Variants in SORCS1 observed in about 807,000 individuals in gnomAD.
SORCS1 encodes VPS10 domain-containing receptor SorCS1.
In SORCS1, 60 loss-of-function variants were observed where a neutral mutation model predicts 146.1. The observed-to-expected ratio is 0.41, with a 90% CI of 0.33 to 0.51. The LOEUF is 0.51. Ranked by LOEUF, SORCS1 falls within the 20% of genes least tolerant of loss-of-function variation. SORCS1 has a pLI of 0.21. For synonymous variants in SORCS1, 637 were observed against 584.0 expected, an observed-to-expected ratio of 1.09 and a Z score of -1.31; for missense variants, 1,352 against 1,487.6, an observed-to-expected ratio of 0.91 and a Z score of 1.50.
Position 106,679,650 on chromosome 10 carries a change from T to C in SORCS1, c.1645A>G (p.Ser549Gly), listed in dbSNP as rs2135554443. The C allele has an allele frequency of 3.7e-6, 6 of 1,612,266 alleles. No individual in the cohort carries two copies. The highest frequency in any genetic ancestry group is 1.3e-5 in the African/African-American group (1 of 75,020). The stretch of plus-strand genomic sequence containing the variant: ...TTCTTACCTGATGCCACTATGATGC[T>C]TGGAGCTGTGTCTTTGCTGGCAATG... ...GIIASKDTAPSIIVASGNIGS... is the reference protein window; with the variant it reads ...GIIASKDTAPGIIVASGNIGS... Residue 549 changes from serine (S) to glycine (G), a missense_variant, in exon 11 of 26, where the codon AGC becomes GGC. Physicochemically the swap from Ser to Gly is moderately conservative, Grantham distance 56. This residue lies in a region of SORCS1 where 648 missense variants were observed against 793.8 expected (regional missense o/e 0.82). Transcript: ENST00000263054.
At position 106,795,513 on chromosome 10, in the gene SORCS1, T is replaced by C. The variant is rs142665050; in HGVS notation, c.727-18821A>G. 2.7e-3 allele frequency among the ~76,000 whole-genome samples: 413 copies of C among 152,238 alleles called. 3 individuals carry two copies. Among genetic ancestry groups the C allele is most frequent in the African/African-American group, 9.1e-3 (378 of 41,546 alleles). ...AAAACAAGATGCAAAATAATAACAA[T>C]AGGAACACTGAGGACTAGACCACGT... is the stretch of plus-strand genomic sequence containing the variant. On this transcript the variant is annotated intron_variant, in intron 3 of 25. Transcript: ENST00000263054.
intron 4 of SORCS1, among the ~76,000 whole-genome samples, chr10:106,764,226 A>G (rs1474751884): frequency 6.6e-6 from 1 of 152,208 alleles, no homozygotes; most frequent in East Asian, 1.9e-4. Flanking sequence ...ATTGCTCTAT[A>G]TTCTCCACCT....
At position 106,988,452 on chromosome 10, in the gene SORCS1, G is replaced by A. The variant is rs548791595; in HGVS notation, c.559-31872C>T. On this transcript the variant is annotated intron_variant, in intron 1 of 25. Coordinates refer to ENST00000263054, the MANE Select transcript of SORCS1 (RefSeq NM_052918.5). The stretch of plus-strand genomic sequence containing the variant: ...TGAGAATTACAGCAGTCTCTCAGTT[G>A]GACGTCTTAGCGTCTGAAAAAATCT... Among the ~76,000 whole-genome samples, 10 of 152,222 alleles carry A rather than the reference G, an allele frequency of 6.6e-5. No homozygotes were observed. In the East Asian group the frequency reaches 1.9e-3, roughly 29 times the overall value.
intron 1 of SORCS1, among the ~76,000 whole-genome samples, chr10:107,157,485 T>A (rs574937290): frequency 6.6e-6 from 1 of 152,292 alleles, no homozygotes; most frequent in South Asian, 2.1e-4. Context: ...ATACCTTAAG[T>A]AATGGAAGTA....
chr10:106,679,324 C>CT lies in SORCS1; in HGVS notation c.1671dup (p.Gly558ArgfsTer3). 1 of 1,611,706 alleles carries CT rather than the reference C, an allele frequency of 6.2e-7. No individual in the cohort carries two copies. Among genetic ancestry groups the CT allele is most frequent in the Non-Finnish European group, 8.5e-7 (1 of 1,178,660 alleles). ...ATGTCAGTGTCTGACAATTCAGAAC[C>CT]TATATTACCTAGAAAGAGAAAGGTG... On this transcript the variant is annotated frameshift_variant, in exon 12 of 26. Coordinates refer to ENST00000263054, the MANE Select transcript of SORCS1 (RefSeq NM_052918.5). LOFTEE classifies it high-confidence loss of function.
chr10:106,847,464 T>C (rs1949347454), intron 2 of SORCS1, among the ~76,000 whole-genome samples: 1 of 4,996 alleles, frequency 2.0e-4, no homozygotes, highest in Admixed American at 1.5e-3. Flanking sequence ...GTCTATTTGA[T>C]TCTTCTCTCT....
intron 9 of SORCS1, among the ~76,000 whole-genome samples, chr10:106,689,212 T>A (rs1235655152): frequency 1.3e-5 from 2 of 152,216 alleles, no homozygotes; most frequent in East Asian, 3.8e-4. Flanking sequence ...TAGTAATTTG[T>A]CAAACTATTA....
intron 18 of SORCS1, among the ~76,000 whole-genome samples, chr10:106,646,558 T>G (rs1849450448): frequency 6.6e-6 from 1 of 151,920 alleles, no homozygotes; most frequent in African/African-American, 2.4e-5. Flanking sequence ...TAGCTGGGTG[T>G]GGTGGCATGC....
chr10:106,913,922 G>C (rs997778251), intron 2 of SORCS1, among the ~76,000 whole-genome samples: 1 of 152,120 alleles, frequency 6.6e-6, no homozygotes, highest in Non-Finnish European at 1.5e-5. Flanking sequence ...ACAGAGAAAA[G>C]AAAATACAAG....
At position 106,800,347 on chromosome 10, in the gene SORCS1, G is replaced by A. The variant is rs536602824; in HGVS notation, c.727-23655C>T. Among the ~76,000 whole-genome samples the A allele has an allele frequency of 2.0e-5, 3 of 152,066 alleles. No homozygotes were observed. In the South Asian group the frequency reaches 6.2e-4, roughly 32 times the overall value. ...TGATACTTACATAAAACCTCCATAT[G>A]ACTGTAAGACTTCCTAAAGGTTGAT... On this transcript the variant is annotated intron_variant, in intron 3 of 25. Coordinates refer to ENST00000263054, the MANE Select transcript of SORCS1 (RefSeq NM_052918.5).
intron 2 of SORCS1, among the ~76,000 whole-genome samples, chr10:106,862,790 A>G (rs1950070940): frequency 6.7e-6 from 1 of 150,208 alleles, no homozygotes; most frequent in Admixed American, 6.6e-5. Context: ...CAAAAAAAAA[A>G]AAAAAAAAAA....
At chr10:107,105,770 T>C (rs1965265332) in intron 1 of SORCS1, among the ~76,000 whole-genome samples, 1 of 152,172 alleles carries the variant, frequency 6.6e-6, no homozygotes. Context: ...ACTCAAATGT[T>C]AATCTCCTTT....
chr10:106,745,513 G>C (rs1299377085), intron 5 of SORCS1, among the ~76,000 whole-genome samples: 2 of 152,142 alleles, frequency 1.3e-5, no homozygotes, highest in Non-Finnish European at 2.9e-5. Flanking sequence ...AGTAATAATT[G>C]CTGTAGGCAA....
chr10:106,664,591 G>C (rs1354317736), intron 17 of SORCS1, among the ~76,000 whole-genome samples: 1 of 152,066 alleles, frequency 6.6e-6, no homozygotes, highest in Non-Finnish European at 1.5e-5. Context: ...GCAGTGAGCC[G>C]AGATCGTGCC....
In SORCS1 at chr10:107,164,116, C is replaced by A; in HGVS notation, c.411G>T (p.Gln137His). 1 of 1,613,844 alleles carries A rather than the reference C, an allele frequency of 6.2e-7. No individual in the cohort carries two copies. Among genetic ancestry groups the A allele is most frequent in the Non-Finnish European group, 8.5e-7 (1 of 1,180,014 alleles). ...CCCGCTCCCGAGTCCCAGGCTCCTG[C>A]TGCCCTCCATCTCTTAGCACTCCCC... ...SPRGVLRDGGQQEPGTRERDP... is the reference protein window; with the variant it reads ...SPRGVLRDGGHQEPGTRERDP... The change falls in exon 1 of 26, where the codon CAG (glutamine) becomes CAT (histidine). Residue 137 changes from glutamine (Q) to histidine (H), a missense_variant. Gln to His is a conservative substitution (Grantham distance 24). Around this residue, in one of 3 missense-constraint regions of SORCS1, gnomAD observed 490 missense variants for 489.1 expected, o/e 1.00. Transcript: ENST00000263054. This position sits in a 1 kb window ranked among gnomAD's most constrained non-coding sequence, Gnocchi z 6.8.
intron 10 of SORCS1, among the ~76,000 whole-genome samples, 197 bp from the exon 11 acceptor site, chr10:106,679,931 A>T (rs1852313621): frequency 6.6e-6 from 1 of 152,212 alleles, no homozygotes; most frequent in African/African-American, 2.4e-5. Context: ...AGTGTAAAAC[A>T]GCCTTCAAGT....
At chr10:106,924,492 T>C (rs1383658466) in intron 2 of SORCS1, among the ~76,000 whole-genome samples, 3 of 150,842 alleles carry the variant, frequency 2.0e-5, no homozygotes, top group African/African-American at 5.0e-5. Context: ...TATCTATCTA[T>C]CTATCTATCT....
intron 1 of SORCS1, among the ~76,000 whole-genome samples, chr10:107,121,297 C>T (rs558529222): frequency 2.2e-4 from 33 of 152,110 alleles, no homozygotes; most frequent in Admixed American, 2.0e-3. Flanking sequence ...TTTGACAAAA[C>T]AAAAAGTTTC....
chr10:107,172,650 T>C, the SORCS1 span, among the ~76,000 whole-genome samples: 436 of 152,310 alleles, frequency 2.9e-3, 4 homozygotes, highest in African/African-American at 1.0e-2. Context: ...GAAGACAGTG[T>C]TTCTTGAATG....
Sources: gnomAD v4.1 joint callset for allele counts (sites outside exome capture counted in the v4.1 genomes callset) on GRCh38, gnomAD v4.1.1 for gene constraint, gnomAD v4.1.1 regional missense constraint, Gnocchi (gnomAD v3.1) non-coding constraint, MANE v1.5 for transcripts, NCBI Gene and HGNC (gene_info 2026-07-23, HGNC 2026-07-21) for gene names.